MNDA: variants seen among roughly 807,000 people sequenced by gnomAD.
MNDA encodes epididymis secretory sperm binding protein.
In MNDA, 43 loss-of-function variants were observed where a neutral mutation model predicts 37.8. That is an observed-to-expected ratio of 1.14 (90% confidence interval 0.89 to 1.47). MNDA has a LOEUF of 1.47. Among genes scored for constraint, MNDA ranks in the 40% most tolerant of loss-of-function variants. MNDA has a pLI of 0.00. For synonymous variants in MNDA, 181 were observed against 169.0 expected (o/e 1.07, Z -0.55); for missense variants, 536 against 476.0 (o/e 1.13, Z -1.17).
Position 158,843,259 on chromosome 1 carries a change from T to TTTTTC in MNDA, c.266-10_266-6dup, listed in dbSNP as rs1334153804. 16 of 1,597,190 alleles carry TTTTTC rather than the reference T, an allele frequency of 1.0e-5. No homozygotes were observed. The highest frequency in any genetic ancestry group is 1.4e-5 in the Non-Finnish European group (16 of 1,173,244). ...ATTCCACTCTAGGCCTATTGTGCCCTTTTTCTTTTCTTTTGTCAGTTGCTA... is the reference window on the plus strand; with the variant it reads ...ATTCCACTCTAGGCCTATTGTGCCCTTTTTCTTTTCTTTTCTTTTGTCAGTTGCTA... On this transcript the variant is annotated intron_variant, in intron 2 of 6. Transcript: ENST00000368141.
At chr1:158,834,932 C>T (rs1236171776) in intron 1 of MNDA, among the ~76,000 whole-genome samples, 4 of 152,174 alleles carry the variant, frequency 2.6e-5, no homozygotes, top group African/African-American at 9.6e-5. Context: ...CCATATTTCT[C>T]AGGGTTTATT....
chr1:158,844,150 T>C, intron 4 of MNDA, 28 bp downstream of exon 4: 1 of 1,302,744 alleles, frequency 7.7e-7, no homozygotes, highest in Non-Finnish European at 1.0e-6. Context: ...CTCTTCTCCA[T>C]TTTTTTTTAA....
In MNDA at chr1:158,847,930, A is replaced by G. The variant is rs766737955; in HGVS notation, c.1176+14A>G. ...AGCTTCATCAAGGTGGGAACTGGAT[A>G]GAGGAGAATGAGTTTGCTAAAGAGG... On this transcript the variant is annotated intron_variant, in intron 6 of 6. Transcript: ENST00000368141. 3.1e-6 allele frequency: 5 copies of G among 1,603,694 alleles called. No individual in the cohort carries two copies. The African/African-American group carries it at 6.7e-5, about 22-fold the overall frequency.
At chr1:158,840,998 G>A (rs998100163) in intron 1 of MNDA, among the ~76,000 whole-genome samples, 1 of 152,094 alleles carries the variant, frequency 6.6e-6, no homozygotes, top group African/African-American at 2.4e-5. Flanking sequence ...TGGAATATAC[G>A]TTAGGAACTG....
chr1:158,843,134 G>A, intron 2 of MNDA, 145 bp from the exon 3 acceptor site: 3 of 961,194 alleles, frequency 3.1e-6, no homozygotes, highest in Non-Finnish European at 4.5e-6. Flanking sequence ...CTAGGAGCCA[G>A]GCTGGGTTAA....
intron 6 of MNDA, among the ~76,000 whole-genome samples, chr1:158,848,513 G>T (rs1358233812): frequency 6.6e-6 from 1 of 151,918 alleles, no homozygotes; most frequent in Non-Finnish European, 1.5e-5. Context: ...AAGACTGTGG[G>T]ACCCAAAGAT....
intron 1 of MNDA, among the ~76,000 whole-genome samples, chr1:158,835,855 T>C (rs1658901448): frequency 6.6e-6 from 1 of 152,088 alleles, no homozygotes; most frequent in South Asian, 2.1e-4. Context: ...TTTTGTCAAA[T>C]GCTTTATTTA....
Position 158,849,287 on chromosome 1 carries a change from T to C in MNDA, c.*50T>C. 1 of 1,518,944 alleles carries C rather than the reference T, an allele frequency of 6.6e-7. No individual in the cohort carries two copies. 94.1% of individuals were successfully genotyped at this position (1,518,944 alleles called of 1,614,324 possible). A position where few individuals can be genotyped will look rare whatever the true frequency, so the allele number is the denominator to read the frequency against. ...ACAACTTCCGCTTAAAACAATTAAGTTGTTAATAACTGTGATTTTGTAAAT... is the reference window on the plus strand; with the variant it reads ...ACAACTTCCGCTTAAAACAATTAAGCTGTTAATAACTGTGATTTTGTAAAT... On this transcript the variant is annotated 3_prime_UTR_variant, in exon 7 of 7. Transcript: ENST00000368141.
chr1:158,847,607 T>A, intron 5 of MNDA, 121 bp from the exon 6 acceptor site: 1 of 847,080 alleles, frequency 1.2e-6, no homozygotes, highest in Non-Finnish European at 1.7e-6. Flanking sequence ...CCAAGCCACA[T>A]GTATGATCTG....
intron 1 of MNDA, among the ~76,000 whole-genome samples, chr1:158,838,771 C>A (rs1230188700): frequency 6.6e-6 from 1 of 151,982 alleles, no homozygotes; most frequent in African/African-American, 2.4e-5. Flanking sequence ...TCCTTTATAT[C>A]TTTTAAAAAA....
intron 2 of MNDA, chr1:158,842,818 CT>C (rs1659058103): frequency 5.7e-6 from 1 of 175,238 alleles, no homozygotes; most frequent in East Asian, 1.6e-4. Flanking sequence ...TAATAAATCA[CT>C]GTTCTTTTTT....
rs1356883553 is a variant in MNDA at position 158,844,067 on chromosome 1, A to G, written c.515A>G (p.His172Arg). 6.2e-7 allele frequency: 1 copy of G among 1,613,538 alleles called. No individual in the cohort carries two copies. The highest frequency in any genetic ancestry group is 1.1e-5 in the South Asian group (1 of 91,034). ...GCCAGCACATCTGCAGCTGTGGATC[A>G]TCCCCCACTACCCCAGACCTCATCA... is the stretch of plus-strand genomic sequence containing the variant. ...SGASTSAAVD[H>R]PPLPQTSSST... The change falls in exon 4 of 7, where the codon CAT becomes CGT. Residue 172 changes from histidine to arginine, a missense_variant. Physicochemically the swap from His to Arg is conservative, Grantham distance 29. Coordinates refer to ENST00000368141, the MANE Select transcript of MNDA (RefSeq NM_002432.3).
At chr1:158,843,893 A>G (rs1571658568) in intron 3 of MNDA, 62 bp from the exon 4 acceptor site, 6 of 1,443,508 alleles carry the variant, frequency 4.2e-6, no homozygotes. Flanking sequence ...TGAAAAAATG[A>G]AAACTTGCTC....
chr1:158,842,605 GATATATTTAGAAGA>G (rs1283943137), intron 2 of MNDA, 187 bp downstream of exon 2: 1 of 523,864 alleles, frequency 1.9e-6, no homozygotes, highest in African/African-American at 1.9e-5. Context: ...GAAAGAGATT[GATATATTTAGAAGA>G]ATGTATTTGA....
chr1:158,842,388 G>C lies in MNDA; in HGVS notation c.235G>C (p.Val79Leu), dbSNP rs767514139. 1.2e-6 allele frequency: 2 copies of C among 1,611,648 alleles called. No individual in the cohort carries two copies. Among genetic ancestry groups the C allele is most frequent in the Non-Finnish European group, 1.7e-6 (2 of 1,179,282 alleles). ...AKDMPSLKNL[V>L]NNLRKEKSKV... ...AGATATGCCATCACTTAAAAACCTT[G>C]TTAACAATCTTCGAAAAGAGAAGTC... Residue 79 changes from valine (V) to leucine (L), a missense_variant, in exon 2 of 7, where the codon GTT becomes CTT. Val to Leu is a conservative substitution (Grantham distance 32). Transcript: ENST00000368141.
chr1:158,839,643 G>C (rs888551513), intron 1 of MNDA, among the ~76,000 whole-genome samples: 2 of 152,126 alleles, frequency 1.3e-5, no homozygotes, highest in African/African-American at 4.8e-5. Flanking sequence ...CTATTCCAAA[G>C]GAAGAATGAG....
intron 5 of MNDA, among the ~76,000 whole-genome samples, chr1:158,847,165 C>T (rs868676509): frequency 5.3e-5 from 8 of 152,052 alleles, no homozygotes; most frequent in Middle Eastern, 3.2e-3. Context: ...AAGCGGGAGG[C>T]TGGGAGGGAG....
intron 1 of MNDA, 110 bp from the exon 2 acceptor site, chr1:158,842,024 G>C: frequency 1.2e-6 from 1 of 831,184 alleles, no homozygotes; most frequent in Non-Finnish European, 1.9e-6. Flanking sequence ...TTTCTTATAC[G>C]CATCCAAGGA....
chr1:158,842,047 C>T, intron 1 of MNDA, 87 bp from the exon 2 acceptor site: 2 of 1,217,344 alleles, frequency 1.6e-6, no homozygotes, highest in East Asian at 2.4e-5. Flanking sequence ...ACATTTTGGC[C>T]TGGGACACTC....
Sources: allele counts gnomAD v4.1 joint callset (sites outside exome capture counted in the v4.1 genomes callset), GRCh38; gene constraint gnomAD v4.1.1; transcripts MANE v1.5; gene names NCBI Gene and HGNC (gene_info 2026-07-23, HGNC 2026-07-21).